Variants in ITPR1 observed in about 807,000 individuals in gnomAD.
ITPR1 encodes the protein inositol 1,4,5-trisphosphate-gated calcium channel ITPR1.
In ITPR1, 96 loss-of-function variants were observed where a neutral mutation model predicts 318.4. The ratio of observed to expected loss-of-function variants is 0.30; its 90% CI spans 0.26 to 0.36. ITPR1 has a LOEUF of 0.36. Ranked by LOEUF, ITPR1 falls within the 10% of genes least tolerant of loss-of-function variation. The probability of loss-of-function intolerance (pLI) is 1.00; values close to 1 mark genes in which losing one functional copy is unlikely to be tolerated. For synonymous variants in ITPR1, 1,312 were observed against 1,289.9 expected (o/e 1.02, Z -0.37); for missense variants, 2,440 against 3,460.2 (o/e 0.71, Z 7.40).
chr3:4,814,997 C>A, intron 58 of ITPR1, 56 bp from the exon 59 acceptor site: 4 of 1,471,602 alleles, frequency 2.7e-6, no homozygotes, highest in Non-Finnish European at 3.7e-6. Context: ...CCCCAGGCTC[C>A]GCAGACCAAA....
chr3:4,814,265 A>C (rs2049136067), intron 57 of ITPR1, 158 bp from the exon 58 acceptor site: 1 of 793,226 alleles, frequency 1.3e-6, no homozygotes, highest in Non-Finnish European at 2.1e-6. Flanking sequence ...AGACGACTTT[A>C]GCTTTTGAAA....
At chr3:4,837,648 C>T (rs1410456524) in intron 61 of ITPR1, among the ~76,000 whole-genome samples, 9 of 151,840 alleles carry the variant, frequency 5.9e-5, no homozygotes, top group Admixed American at 2.6e-4. Context: ...AGGCAGTTTC[C>T]AATTTAAAGT....
At chr3:4,692,081 C>A (rs570789098) in intron 32 of ITPR1, among the ~76,000 whole-genome samples, 8 of 150,858 alleles carry the variant, frequency 5.3e-5, no homozygotes, top group Non-Finnish European at 1.2e-4. Context: ...TTTGACCTTG[C>A]AGTGAGCTAT....
intron 44 of ITPR1, among the ~76,000 whole-genome samples, chr3:4,736,006 T>G (rs1398671009): frequency 1.3e-5 from 2 of 152,224 alleles, no homozygotes; most frequent in African/African-American, 4.8e-5. Flanking sequence ...TTTTCATGAT[T>G]TTTTCTTCCA....
chr3:4,716,816 A>G (rs79939344), intron 39 of ITPR1, among the ~76,000 whole-genome samples: 2,658 of 152,292 alleles, frequency 0.017, 79 homozygotes, highest in African/African-American at 0.061. Context: ...GTTGGCACTA[A>G]TCATCCTAGA....
chr3:4,565,650 T>C (rs1264241127), intron 4 of ITPR1, among the ~76,000 whole-genome samples: 2 of 152,150 alleles, frequency 1.3e-5, no homozygotes, highest in African/African-American at 4.8e-5. Context: ...GTATTGATTG[T>C]CTCCCCAAGA....
intron 12 of ITPR1, among the ~76,000 whole-genome samples, chr3:4,655,920 C>G (rs534447171): frequency 6.6e-6 from 1 of 152,294 alleles, no homozygotes; most frequent in African/African-American, 2.4e-5. Flanking sequence ...ACCCCACCCC[C>G]CTCATACTCT....
intron 32 of ITPR1, among the ~76,000 whole-genome samples, chr3:4,692,974 G>A (rs996730745): frequency 6.6e-5 from 10 of 152,052 alleles, no homozygotes; most frequent in Admixed American, 5.9e-4. Context: ...TACAAAATTA[G>A]CCAGGCATGG....
At chr3:4,507,347 T>A (rs928131326) in intron 2 of ITPR1, among the ~76,000 whole-genome samples, 2 of 152,156 alleles carry the variant, frequency 1.3e-5, no homozygotes, top group Admixed American at 1.3e-4. Context: ...CTAGAGTACA[T>A]AGGTAATTTG....
At chr3:4,569,531 C>T (rs745856350) in intron 4 of ITPR1, among the ~76,000 whole-genome samples, 7 of 152,230 alleles carry the variant, frequency 4.6e-5, no homozygotes, top group Admixed American at 6.5e-5. Flanking sequence ...GTGTTGGCCT[C>T]ATCCATAAAC....
chr3:4,650,975 T>C (rs2093585227), intron 10 of ITPR1, among the ~76,000 whole-genome samples: 1 of 152,192 alleles, frequency 6.6e-6, no homozygotes, highest in Admixed American at 6.5e-5. Flanking sequence ...TGTGGATCCC[T>C]TTGCTCCTTT....
chr3:4,653,472 T>A (rs890575082), intron 11 of ITPR1, among the ~76,000 whole-genome samples: 2 of 152,242 alleles, frequency 1.3e-5, no homozygotes, highest in Non-Finnish European at 2.9e-5. Context: ...TTATCTGTCA[T>A]GTTTTGAAGC....
At chr3:4,603,268 G>A (rs1229830801) in intron 4 of ITPR1, among the ~76,000 whole-genome samples, 1 of 151,638 alleles carries the variant, frequency 6.6e-6, no homozygotes, top group Non-Finnish European at 1.5e-5. Context: ...AGATTCATGA[G>A]GCACATGTGC....
intron 51 of ITPR1, among the ~76,000 whole-genome samples, chr3:4,784,633 CA>C (rs2047056538): frequency 6.8e-6 from 1 of 146,918 alleles, no homozygotes; most frequent in Admixed American, 6.9e-5. Context: ...GTAATCCCAA[CA>C]CTTTGGGAGG....
chr3:4,717,801 G>C (rs961157589), intron 40 of ITPR1, among the ~76,000 whole-genome samples: 1 of 152,198 alleles, frequency 6.6e-6, no homozygotes, highest in Admixed American at 6.5e-5. Flanking sequence ...GGTATAATTT[G>C]AAAGTAGTAA....
intron 52 of ITPR1, among the ~76,000 whole-genome samples, chr3:4,789,344 A>G (rs1191946903): frequency 6.6e-6 from 1 of 152,212 alleles, no homozygotes; most frequent in East Asian, 1.9e-4. Context: ...GAGTGTCCTC[A>G]TAGCCTACTG....
chr3:4,725,673 A>T, intron 41 of ITPR1, 92 bp downstream of exon 41: 2 of 1,165,916 alleles, frequency 1.7e-6, no homozygotes, highest in Middle Eastern at 1.9e-4. Context: ...GTTGTAACAA[A>T]AAGTCTCTCC....
chr3:4,600,868 A>G (rs556911479), intron 4 of ITPR1, among the ~76,000 whole-genome samples: 4 of 152,212 alleles, frequency 2.6e-5, no homozygotes, highest in Non-Finnish European at 5.9e-5. Context: ...TATGAGCACT[A>G]TTTAATTTGT....
intron 44 of ITPR1, among the ~76,000 whole-genome samples, chr3:4,760,759 G>T (rs561328702): frequency 6.6e-6 from 1 of 152,150 alleles, no homozygotes. Flanking sequence ...TTTAGCAATG[G>T]TGAATGGAGT....
Sources: allele counts gnomAD v4.1 joint callset (sites outside exome capture counted in the v4.1 genomes callset), GRCh38; gene constraint gnomAD v4.1.1; transcripts MANE v1.5; gene names NCBI Gene and HGNC (gene_info 2026-07-23, HGNC 2026-07-21).